COL8A2: variants seen among roughly 807,000 people sequenced by gnomAD.
COL8A2 encodes collagen type VIII alpha 2 chain, also known as collagen alpha-2(VIII) chain.
A neutral mutation model predicts 24.0 loss-of-function variants in COL8A2; 16 were observed. The observed-to-expected ratio is 0.67, with a 90% CI of 0.45 to 1.01. COL8A2 has a LOEUF of 1.01. Ranked by LOEUF, COL8A2 falls within the 50% of genes least tolerant of loss-of-function variation. The pLI is 0.00. For missense variants in COL8A2, 818 were observed against 942.4 expected, an observed-to-expected ratio of 0.87 and a Z score of 1.73; for synonymous variants, 466 against 424.5, an observed-to-expected ratio of 1.10 and a Z score of -1.20.
intron 2 of COL8A2, among the ~76,000 whole-genome samples, chr1:36,114,751 G>A (rs1198229011): frequency 1.3e-5 from 2 of 152,054 alleles, no homozygotes; most frequent in Non-Finnish European, 2.9e-5. Flanking sequence ...TAGCCTGGGG[G>A]CTCCAGGTCC....
chr1:36,112,160 C>T (rs532096588), intron 2 of COL8A2, among the ~76,000 whole-genome samples: 4 of 152,266 alleles, frequency 2.6e-5, no homozygotes, highest in South Asian at 4.2e-4. Flanking sequence ...CCTGCCACCA[C>T]GCCCGGCTAT....
At chr1:36,109,838 C>T (rs918386106) in intron 2 of COL8A2, among the ~76,000 whole-genome samples, 9 of 152,096 alleles carry the variant, frequency 5.9e-5, no homozygotes, top group South Asian at 2.1e-4. Flanking sequence ...CCTTGTGATC[C>T]GCCTGCCTTG....
At position 36,100,150 on chromosome 1, in the gene COL8A2, C is replaced by T. The variant is rs1269496303; in HGVS notation, c.93G>A (p.Gly31=). 5 of 1,612,548 alleles carry T rather than the reference C, an allele frequency of 3.1e-6. No individual in the cohort carries two copies. Among genetic ancestry groups the T allele is most frequent in the Non-Finnish European group, 4.2e-6 (5 of 1,179,544 alleles). Reference sequence around the variant, plus strand: ...GGGCATAGCCCGCCGCCCCACCGGCCCCGCCACCAGAGGACGCCCGCGGCC... The same window carrying T: ...GGGCATAGCCCGCCGCCCCACCGGCTCCGCCACCAGAGGACGCCCGCGGCC... ...GCGPRASSGG[G]AGGAAGYAPV... is the part of the protein sequence containing the mutation. The change falls in exon 3 of 4, where the codon GGG becomes GGA. Residue 31 remains glycine, a synonymous_variant. Transcript: ENST00000397799.
chr1:36,112,425 T>A (rs1643856064), intron 2 of COL8A2, among the ~76,000 whole-genome samples: 1 of 152,172 alleles, frequency 6.6e-6, no homozygotes, highest in Non-Finnish European at 1.5e-5. Flanking sequence ...CTTGGGTGCC[T>A]TTGTACAGTA....
At chr1:36,117,047 G>A (rs1643882951) in intron 1 of COL8A2, among the ~76,000 whole-genome samples, 1 of 152,218 alleles carries the variant, frequency 6.6e-6, no homozygotes, top group Non-Finnish European at 1.5e-5. Context: ...AGCCCACCTG[G>A]CAGGGAGGCC....
chr1:36,124,584 A>G (rs977243257), intron 1 of COL8A2, among the ~76,000 whole-genome samples: 1 of 152,058 alleles, frequency 6.6e-6, no homozygotes, highest in Non-Finnish European at 1.5e-5. Flanking sequence ...GAAAAACCTT[A>G]TAACTGGAAG....
At chr1:36,114,392 T>C (rs1249337436) in intron 2 of COL8A2, among the ~76,000 whole-genome samples, 1 of 151,142 alleles carries the variant, frequency 6.6e-6, no homozygotes, top group African/African-American at 2.4e-5. Flanking sequence ...GATTCCCCCT[T>C]GGGGAACACG....
Position 36,099,412 on chromosome 1 carries a change from G to T in COL8A2, c.269C>A (p.Pro90His). ...TCCTGGGAAGCCAGGGGGGCCAGGG[G>T]GACCCCGAGGCCCGGGCTTCCCAGG... ...GPPGKPGPRG[P>H]PGPPGFPGKP... The change falls in exon 4 of 4, where the codon CCC becomes CAC. Residue 90 changes from proline to histidine, a missense_variant. Coordinates refer to ENST00000397799, the MANE Select transcript of COL8A2 (RefSeq NM_005202.4). 6.4e-7 allele frequency: 1 copy of T among 1,553,724 alleles called. No homozygotes were observed.
rs894639256 is a variant in COL8A2, at chr1:36,096,933, C to T, written c.*636G>A. Reference sequence around the variant, plus strand: ...CAAACTGCCTTCCCCATGGCTGCCACTGGAGCAGTGAAAGGGAGGTTGCCC... The same window carrying T: ...CAAACTGCCTTCCCCATGGCTGCCATTGGAGCAGTGAAAGGGAGGTTGCCC... On this transcript the variant is annotated 3_prime_UTR_variant, in exon 4 of 4. Transcript: ENST00000397799. 6.5e-6 allele frequency: 1 copy of T among 153,240 alleles called. No individual in the cohort carries two copies. The allele number at this position is 153,240 out of a possible 1,614,324, so 9.5% of individuals were successfully genotyped here. A position where few individuals can be genotyped will look rare whatever the true frequency, so the allele number is the denominator to read the frequency against.
chr1:36,114,663 T>G (rs1232089888), intron 2 of COL8A2, among the ~76,000 whole-genome samples: 1 of 152,200 alleles, frequency 6.6e-6, no homozygotes, highest in African/African-American at 2.4e-5. Context: ...GGCACCCACC[T>G]GCATGAAAGC....
Position 36,097,946 on chromosome 1 carries a change from C to T in COL8A2, c.1735G>A (p.Ala579Thr), listed in dbSNP as rs1557737252. ...LSAHATPAFT[A>T]VLTSPFPASG... ...GCGGGGAAGGGCGAGGTGAGCACCG[C>T]AGTGAAGGCCGGTGTGGCATGGGCA... The change falls in exon 4 of 4, where the codon GCG (alanine) becomes ACG (threonine). Residue 579 changes from alanine to threonine, a missense_variant. Physicochemically the swap from Ala to Thr is moderately conservative, Grantham distance 58 (BLOSUM62 0). Coordinates refer to ENST00000397799, the MANE Select transcript of COL8A2 (RefSeq NM_005202.4). 6.2e-7 allele frequency: 1 copy of T among 1,609,958 alleles called. No homozygotes were observed. Among genetic ancestry groups the T allele is most frequent in the Non-Finnish European group, 8.5e-7 (1 of 1,179,442 alleles).
At position 36,099,339 on chromosome 1, in the gene COL8A2, A is replaced by T; in HGVS notation, c.342T>A (p.Ala114=). The change falls in exon 4 of 4, where the codon GCT becomes GCA. Residue 114 remains alanine, a synonymous_variant. Transcript: ENST00000397799. The part of the protein sequence containing the change: ...KPGLHGQPGP[A]GPPGFSRMGK... ...CCATCCGGGAGAAGCCAGGGGGCCC[A>T]GCAGGGCCAGGCTGCCCATGGAGTC... is the stretch of plus-strand genomic sequence containing the variant. The T allele has an allele frequency of 1.8e-5, 28 of 1,582,218 alleles. No homozygotes were observed. The highest frequency in any genetic ancestry group is 2.3e-5 in the Non-Finnish European group (27 of 1,166,848).
Position 36,114,747 on chromosome 1 carries a change from G to A in COL8A2, c.-17+961C>T, listed in dbSNP as rs116197717. 5.7e-3 allele frequency among the ~76,000 whole-genome samples: 869 copies of A among 152,158 alleles called. 5 individuals carry two copies. The highest frequency in any genetic ancestry group is 0.02 in the African/African-American group (822 of 41,502). ...ATGTGCTCGATGAAGCCTGTAGCCT[G>A]GGGGCTCCAGGTCCAGGCCTCTGAA... On this transcript the variant is annotated intron_variant, in intron 2 of 3. Transcript: ENST00000397799.
At chr1:36,099,526 C>G in intron 3 of COL8A2, 39 bp from the exon 4 acceptor site, 1 of 1,446,928 alleles carries the variant, frequency 6.9e-7, no homozygotes, top group South Asian at 1.2e-5. Flanking sequence ...GGGGCCTGAA[C>G]TGTGGGGACA....
chr1:36,109,929 CTTTTTT>C (rs35479902), intron 2 of COL8A2, among the ~76,000 whole-genome samples: 1 of 92,048 alleles, frequency 1.1e-5, no homozygotes, highest in Non-Finnish European at 2.2e-5. Context: ...CCTTTACTTC[CTTTTTT>C]TTTTTTTTTT....
At chr1:36,101,929 A>G (rs761400793) in intron 2 of COL8A2, among the ~76,000 whole-genome samples, 26 of 152,104 alleles carry the variant, frequency 1.7e-4, no homozygotes, top group Non-Finnish European at 2.5e-4. Flanking sequence ...CTGTAATCTC[A>G]GTACTTTGGG....
rs1279766539 is a variant in COL8A2 at position 36,102,669 on chromosome 1, TTG to T, written c.-16-2413_-16-2412del. 4.9e-4 allele frequency among the ~76,000 whole-genome samples: 62 copies of T among 126,398 alleles called. 4 individuals carry two copies. The highest frequency in any genetic ancestry group is 1.2e-3 in the African/African-American group (39 of 32,494). 82.9% of individuals were successfully genotyped at this position (126,398 alleles called of 152,430 possible). On this transcript the variant is annotated intron_variant, in intron 2 of 3. Transcript: ENST00000397799. ...GAATTATATCTATAAAGCTGGTTTT[TTG>T]TTTTTTTTTTTTTTTTTTGAGATGG...
chr1:36,116,673 C>G (rs1039577284), intron 1 of COL8A2, among the ~76,000 whole-genome samples: 3 of 152,124 alleles, frequency 2.0e-5, no homozygotes, highest in African/African-American at 7.2e-5. Flanking sequence ...GCAGCTGGGT[C>G]CTGAAGGATG....
Position 36,125,117 on chromosome 1 carries a change from C to A in COL8A2, c.-122G>T. The A allele has an allele frequency of 1.1e-6, 1 of 950,766 alleles. No homozygotes were observed. The highest frequency in any genetic ancestry group is 1.2e-6 in the Non-Finnish European group (1 of 800,422). The allele number at this position is 950,766 out of a possible 1,614,324, so 58.9% of individuals were successfully genotyped here. A position where few individuals can be genotyped will look rare whatever the true frequency, so the allele number is the denominator to read the frequency against. On this transcript the variant is annotated 5_prime_UTR_variant, in exon 1 of 4. Coordinates refer to ENST00000397799, the MANE Select transcript of COL8A2 (RefSeq NM_005202.4). This position sits in a 1 kb window ranked among gnomAD's most constrained non-coding sequence, Gnocchi z 4.5. ...TCGAGGGCGGCCCGGGCGGCGAGGG[C>A]TCCGGGCAGGGGCGTCCGCGGCTGG...
Sources: gnomAD v4.1 joint callset for allele counts (sites outside exome capture counted in the v4.1 genomes callset) on GRCh38, gnomAD v4.1.1 for gene constraint, Gnocchi (gnomAD v3.1) non-coding constraint, MANE v1.5 for transcripts, NCBI Gene and HGNC (gene_info 2026-07-23, HGNC 2026-07-21) for gene names.